The following ERBB4 variants were observed in gnomAD, a reference collection of about 807,000 sequenced individuals.
ERBB4 encodes the protein erb-b2 receptor tyrosine kinase 4.
ERBB4 carries 42 observed loss-of-function variants against 158.0 expected under a neutral mutation model. That is an observed-to-expected ratio of 0.27 (90% confidence interval 0.21 to 0.34). ERBB4 has a LOEUF of 0.34. Among genes scored for constraint, ERBB4 ranks in the 10% least tolerant of loss-of-function variants. The pLI, the probability that ERBB4 is intolerant of heterozygous loss-of-function variation, is 1.00. For synonymous variants in ERBB4, 583 were observed against 558.7 expected (o/e 1.04, Z -0.61); for missense variants, 1,333 against 1,624.1 (o/e 0.82, Z 3.08).
intron 2 of ERBB4, among the ~76,000 whole-genome samples, chr2:212,018,855 G>A (rs552385429): frequency 1.3e-5 from 2 of 152,058 alleles, no homozygotes; most frequent in Non-Finnish European, 2.9e-5. Context: ...GCAATCTGGG[G>A]ATAGTTAAAT....
rs116001707 is a variant in ERBB4, at chr2:212,369,954, A to G, written c.82+168495T>C. On this transcript the variant is annotated intron_variant, in intron 1 of 27. Transcript: ENST00000342788. ...TTTCATGTCTTCAAATGTTTTTAGG[A>G]TCCAGGGAAAATTTAGAAAAAAAAT... Among the ~76,000 whole-genome samples the G allele has an allele frequency of 3.6e-3, 548 of 152,262 alleles. 5 individuals carry two copies. Among genetic ancestry groups the G allele is most frequent in the African/African-American group, 0.013 (534 of 41,556 alleles).
chr2:211,762,274 G>C (rs1203422144), intron 4 of ERBB4, among the ~76,000 whole-genome samples: 3 of 152,164 alleles, frequency 2.0e-5, no homozygotes, highest in African/African-American at 7.2e-5. Context: ...AGCGGGGAGG[G>C]TGTGACCCCT....
intron 1 of ERBB4, among the ~76,000 whole-genome samples, chr2:212,451,755 A>G (rs1270008033): frequency 2.0e-5 from 3 of 152,212 alleles, no homozygotes; most frequent in African/African-American, 7.2e-5. Context: ...ATTTTCCAAC[A>G]TTTAAGTATA....
intron 1 of ERBB4, among the ~76,000 whole-genome samples, chr2:212,184,118 T>G (rs527849641): frequency 6.6e-6 from 1 of 152,166 alleles, no homozygotes; most frequent in South Asian, 2.1e-4. Context: ...AATAAAACAT[T>G]TTATGCGTCA....
chr2:211,692,905 T>A (rs2072876205), intron 12 of ERBB4, among the ~76,000 whole-genome samples: 1 of 152,146 alleles, frequency 6.6e-6, no homozygotes, highest in Admixed American at 6.6e-5. Flanking sequence ...AGGTTAGACA[T>A]GTGTAAAGTG....
intron 3 of ERBB4, among the ~76,000 whole-genome samples, chr2:211,795,133 TAAAG>T (rs1355233513): frequency 6.6e-6 from 1 of 151,842 alleles, no homozygotes. Context: ...TGCTATATTA[TAAAG>T]AGATAGATAA....
Position 211,792,953 on chromosome 2 carries a change from T to C in ERBB4, c.422-4794A>G, listed in dbSNP as rs376303405. On this transcript the variant is annotated intron_variant, in intron 3 of 27. Coordinates refer to ENST00000342788, the MANE Select transcript of ERBB4 (RefSeq NM_005235.3). Reference sequence around the variant, plus strand: ...CAGAATCATTGACATTTTGCAAATATATTATCTCCAAAACTATGGTAAAAT... The same window carrying C: ...CAGAATCATTGACATTTTGCAAATACATTATCTCCAAAACTATGGTAAAAT... 8.5e-5 allele frequency among the ~76,000 whole-genome samples: 13 copies of C among 152,052 alleles called. No individual in the cohort carries two copies. The East Asian group carries it at 1.7e-3, about 20-fold the overall frequency.
chr2:211,418,720 G>C (rs1044420407), intron 25 of ERBB4, among the ~76,000 whole-genome samples: 1 of 151,966 alleles, frequency 6.6e-6, no homozygotes, highest in African/African-American at 2.4e-5. Context: ...CAGAAGTAAT[G>C]AATTTGTCAC....
chr2:211,383,278 C>G lies in ERBB4; in HGVS notation c.*337G>C, dbSNP rs918140497. On this transcript the variant is annotated 3_prime_UTR_variant, in exon 28 of 28. Coordinates refer to ENST00000342788, the MANE Select transcript of ERBB4 (RefSeq NM_005235.3). The stretch of plus-strand genomic sequence containing the variant: ...AAAAAAAAGAAGAGGAAGAAAGAAA[C>G]AAAGAAAGAAAAAGAAAAAGAAAAA... The G allele has an allele frequency of 1.2e-5, 3 of 248,774 alleles. No homozygotes were observed. The highest frequency in any genetic ancestry group is 2.4e-5 in the African/African-American group (1 of 41,970). 15.4% of individuals were successfully genotyped at this position (248,774 alleles called of 1,614,324 possible).
chr2:212,263,233 C>G lies in ERBB4; in HGVS notation c.83-138330G>C, dbSNP rs554870707. Reference sequence around the variant, plus strand: ...GCTTGAGAGCTTCCAAAGGAACCAACCCTGTTGACAACTCAGTTTGGGACT... The same window carrying G: ...GCTTGAGAGCTTCCAAAGGAACCAAGCCTGTTGACAACTCAGTTTGGGACT... On this transcript the variant is annotated intron_variant, in intron 1 of 27. Transcript: ENST00000342788. 2.7e-3 allele frequency among the ~76,000 whole-genome samples: 405 copies of G among 152,136 alleles called. 1 individual carries two copies. Among genetic ancestry groups the G allele is most frequent in the Middle Eastern group, 6.8e-3 (2 of 294 alleles).
chr2:211,499,339 A>G (rs1430313942), intron 20 of ERBB4, among the ~76,000 whole-genome samples: 1 of 151,984 alleles, frequency 6.6e-6, no homozygotes, highest in Non-Finnish European at 1.5e-5. Context: ...CCTGGACAAC[A>G]TGGTGAAACC....
intron 2 of ERBB4, among the ~76,000 whole-genome samples, chr2:212,119,588 T>C (rs1207623492): frequency 6.6e-6 from 1 of 152,208 alleles, no homozygotes; most frequent in African/African-American, 2.4e-5. Flanking sequence ...CGCTGCTTTC[T>C]ATTATATGTC....
intron 2 of ERBB4, among the ~76,000 whole-genome samples, chr2:212,009,873 C>A (rs1476365273): frequency 1.3e-5 from 2 of 152,168 alleles, no homozygotes; most frequent in Non-Finnish European, 2.9e-5. Context: ...TCCTACTAAT[C>A]TTCTTTAGAA....
At chr2:211,981,950 G>A (rs2081810818) in intron 2 of ERBB4, among the ~76,000 whole-genome samples, 1 of 152,078 alleles carries the variant, frequency 6.6e-6, no homozygotes, top group African/African-American at 2.4e-5. Flanking sequence ...CATAAATTCA[G>A]CTGGTTAGTA....
Position 211,542,470 on chromosome 2 carries a change from C to T in ERBB4, c.2487+19433G>A, listed in dbSNP as rs186062319. Among the ~76,000 whole-genome samples the T allele has an allele frequency of 1.1e-3, 163 of 152,084 alleles. 2 individuals carry two copies. The highest frequency in any genetic ancestry group is 0.01 in the Middle Eastern group (3 of 294). ...CTGCATCCAAAGTAACTATGATTCA[C>T]GTGACTTGTTTAGGCTCTTTTCTAT... is the stretch of plus-strand genomic sequence containing the variant. On this transcript the variant is annotated intron_variant, in intron 20 of 27. Transcript: ENST00000342788.
intron 1 of ERBB4, among the ~76,000 whole-genome samples, chr2:212,414,404 G>A (rs1346533170): frequency 1.3e-5 from 2 of 152,268 alleles, no homozygotes; most frequent in Middle Eastern, 3.4e-3. Flanking sequence ...CCTTTAGTCG[G>A]AAGAGGTGTC....
intron 2 of ERBB4, among the ~76,000 whole-genome samples, chr2:212,122,245 G>C (rs572329502): frequency 6.6e-6 from 1 of 151,834 alleles, no homozygotes; most frequent in Non-Finnish European, 1.5e-5. Flanking sequence ...GATTGTTGAA[G>C]CCAAGGACAA....
At chr2:212,287,058 G>C (rs994336570) in intron 1 of ERBB4, among the ~76,000 whole-genome samples, 20 of 151,872 alleles carry the variant, frequency 1.3e-4, no homozygotes, top group Non-Finnish European at 2.2e-4. Context: ...CAACGACCTT[G>C]CTCCACAGGT....
chr2:211,569,407 G>A (rs2067648054), intron 19 of ERBB4, among the ~76,000 whole-genome samples: 1 of 152,160 alleles, frequency 6.6e-6, no homozygotes, highest in Non-Finnish European at 1.5e-5. Context: ...TTGAAGTTGT[G>A]TCTACAAAAT....
Sources: gnomAD v4.1 joint callset for allele counts (sites outside exome capture counted in the v4.1 genomes callset) on GRCh38, gnomAD v4.1.1 for gene constraint, MANE v1.5 for transcripts, NCBI Gene and HGNC (gene_info 2026-07-23, HGNC 2026-07-21) for gene names.